Variants in BCOR observed in about 807,000 individuals in gnomAD.
The protein encoded by BCOR is BCL6 corepressor.
A neutral mutation model predicts 86.7 loss-of-function variants in BCOR; 10 were observed. The ratio of observed to expected loss-of-function variants is 0.12; its 90% CI spans 0.07 to 0.20. The LOEUF is 0.20. Among genes scored for constraint, BCOR ranks in the 10% least tolerant of loss-of-function variants. The probability of loss-of-function intolerance (pLI) is 1.00; values close to 1 mark genes in which losing one functional copy is unlikely to be tolerated. For synonymous variants in BCOR, 611 were observed against 609.0 expected (o/e 1.00, Z -0.05); for missense variants, 1,259 against 1,452.1 (o/e 0.87, Z 2.16).
intron 14 of BCOR, among the ~76,000 whole-genome samples, chrX:40,053,411 G>A (rs1460641508): frequency 9.0e-6 from 1 of 111,713 alleles, no homozygotes; most frequent in Admixed American, 9.5e-5. Context: ...GGGGCAGAGG[G>A]GATTAACTAA....
At chrX:40,088,860 A>T (rs1231636123) in intron 1 of BCOR, among the ~76,000 whole-genome samples, 1 of 111,948 alleles carries the variant, frequency 8.9e-6, no homozygotes, top group Non-Finnish European at 1.9e-5. Flanking sequence ...TCCCCCCTGA[A>T]ATAATGCCAG....
chrX:40,059,818 A>C (rs1934780545), intron 10 of BCOR, among the ~76,000 whole-genome samples: 1 of 113,019 alleles, frequency 8.8e-6, no homozygotes, highest in Admixed American at 9.3e-5. Context: ...TTTTTTAAAA[A>C]CATGATTTAT....
At chrX:40,090,984 A>G (rs1339287014) in intron 1 of BCOR, among the ~76,000 whole-genome samples, 1 of 110,748 alleles carries the variant, frequency 9.0e-6, no homozygotes, top group Non-Finnish European at 1.9e-5. Flanking sequence ...TTGTCTTTTT[A>G]TAACTTTTTT....
chrX:40,118,097 C>G (rs1225537955), intron 1 of BCOR, among the ~76,000 whole-genome samples: 1 of 105,236 alleles, frequency 9.5e-6, no homozygotes, highest in Admixed American at 1.0e-4. Flanking sequence ...TCTCCTCCCC[C>G]AAGGCAAGGA....
intron 1 of BCOR, among the ~76,000 whole-genome samples, chrX:40,112,361 C>T (rs971116971): frequency 2.7e-5 from 3 of 111,568 alleles, no homozygotes; most frequent in East Asian, 2.8e-4. Context: ...TTTGCATCTA[C>T]GCTCAGCTTA....
upstream of BCOR, among the ~76,000 whole-genome samples, chrX:40,102,388 T>C (rs1378592109): frequency 8.8e-6 from 1 of 113,240 alleles, no homozygotes; most frequent in Admixed American, 9.2e-5. Flanking sequence ...GTCGACCAAA[T>C]GGGCATAATA....
In BCOR at chrX:40,073,783, A is replaced by T. The variant is rs775342174; in HGVS notation, c.1563T>A (p.Asn521Lys). The change falls in exon 4 of 15, where the codon AAT becomes AAA. Residue 521 changes from asparagine (N) to lysine (K), a missense_variant. Asn to Lys is a moderately conservative substitution (Grantham distance 94, BLOSUM62 0). Coordinates refer to ENST00000378444, the MANE Select transcript of BCOR (RefSeq NM_001123385.2). ...TGTTTTTCAGCGACATGCTTTTGCCATTGTTCTCTTCGTTAGGACTTGGCC... is the reference window on the plus strand; with the variant it reads ...TGTTTTTCAGCGACATGCTTTTGCCTTTGTTCTCTTCGTTAGGACTTGGCC... ...VPGPSPNEEN[N>K]GKSMSLKNKA... is the part of the protein sequence containing the mutation. 26 of 1,211,581 alleles carry T rather than the reference A, an allele frequency of 2.1e-5. No individual in the cohort carries two copies. The highest frequency in any genetic ancestry group is 2.7e-5 in the Non-Finnish European group (24 of 895,527).
intron 1 of BCOR, chrX:40,176,976 C>T (rs1199133034): frequency 9.2e-6 from 1 of 108,730 alleles, no homozygotes; most frequent in East Asian, 3.0e-4. Flanking sequence ...CCCTACCTTC[C>T]GGGTAGGAGA....
chrX:40,100,699 C>CCA (rs1483836622), upstream of BCOR, among the ~76,000 whole-genome samples: 2 of 36,196 alleles, frequency 5.5e-5, no homozygotes, highest in African/African-American at 2.1e-4. Context: ...AACTCCGTCT[C>CCA]AAAAAAAAAA....
intron 1 of BCOR, among the ~76,000 whole-genome samples, chrX:40,089,871 G>C (rs1274158609): frequency 8.9e-6 from 1 of 112,295 alleles, no homozygotes; most frequent in Non-Finnish European, 1.9e-5. Context: ...AAAGTAGTGT[G>C]GGAGAGGGAA....
chrX:40,094,247 C>A (rs1377531462), intron 1 of BCOR, among the ~76,000 whole-genome samples: 2 of 112,283 alleles, frequency 1.8e-5, no homozygotes, highest in African/African-American at 6.5e-5. Context: ...TCCGCGCCTC[C>A]CCCCCCTCCA....
Position 40,097,733 on chromosome X carries a change from T to C in BCOR, c.-559A>G, listed in dbSNP as rs1314711902. The stretch of plus-strand genomic sequence containing the variant: ...CCCGCTCGGGCTGGGTGTGTGTGAG[T>C]GTGTGTGAGTGTTGGCCAAGTCGTC... On this transcript the variant is annotated 5_prime_UTR_variant, in exon 1 of 15. Coordinates refer to ENST00000378444, the MANE Select transcript of BCOR (RefSeq NM_001123385.2). Among the ~76,000 whole-genome samples, 1 of 109,160 alleles carries C rather than the reference T, an allele frequency of 9.2e-6. No individual in the cohort carries two copies. The highest frequency in any genetic ancestry group is 1.9e-5 in the Non-Finnish European group (1 of 52,042). 94.8% of individuals were successfully genotyped at this position (109,160 alleles called of 115,157 possible).
chrX:40,098,122 G>T (rs1009742716), upstream of BCOR, among the ~76,000 whole-genome samples: 1 of 95,100 alleles, frequency 1.1e-5, no homozygotes, highest in Non-Finnish European at 2.1e-5. Flanking sequence ...ACAGCCGCCC[G>T]CCCGCCGCCG....
intron 1 of BCOR, among the ~76,000 whole-genome samples, chrX:40,173,975 A>G (rs1403588224): frequency 8.9e-6 from 1 of 112,853 alleles, no homozygotes; most frequent in Non-Finnish European, 1.9e-5. Context: ...TCAGACTTCT[A>G]ATTTCAAAAG....
rs777957659 is a variant in BCOR at position 40,062,310 on chromosome X, G to A, written c.4257C>T (p.Phe1419=). 8 of 1,209,267 alleles carry A rather than the reference G, an allele frequency of 6.6e-6. No homozygotes were observed. The highest frequency in any genetic ancestry group is 5.3e-5 in the South Asian group (3 of 56,320). The change falls in exon 10 of 15, where the codon TTC becomes TTT. Residue 1419 remains phenylalanine, a synonymous_variant. Coordinates refer to ENST00000378444, the MANE Select transcript of BCOR (RefSeq NM_001123385.2). ...LSPAKQEPKP[F]DRLQQLLPAS... ...CTGGTAGCAGTTGCTGCAAGCGGTC[G>A]AAGGGCTTTGGCTCCTGCTTGGCTG...
At chrX:40,135,100 G>A (rs1465946985) in intron 1 of BCOR, among the ~76,000 whole-genome samples, 1 of 111,615 alleles carries the variant, frequency 9.0e-6, no homozygotes, top group African/African-American at 3.3e-5. Flanking sequence ...GGGCAGAACT[G>A]GGGGGAAAAG....
At chrX:40,120,705 C>T (rs940738717) in intron 1 of BCOR, among the ~76,000 whole-genome samples, 5 of 111,857 alleles carry the variant, frequency 4.5e-5, no homozygotes, top group Non-Finnish European at 9.4e-5. Context: ...CCCCAGGAAA[C>T]AAAACAAATA....
At chrX:40,176,915 C>G (rs1938771332) in intron 1 of BCOR, 1 of 111,344 alleles carries the variant, frequency 9.0e-6, no homozygotes, top group East Asian at 2.9e-4. Context: ...GACGCGGGGT[C>G]TCTCGGGGGC....
chrX:40,101,022 G>A (rs1478343890), upstream of BCOR, among the ~76,000 whole-genome samples: 4 of 109,764 alleles, frequency 3.6e-5, no homozygotes, highest in East Asian at 1.1e-3. Flanking sequence ...AGTGGTGGGG[G>A]GGATTCGTGA....
Sources: allele counts gnomAD v4.1 joint callset (sites outside exome capture counted in the v4.1 genomes callset), GRCh38; gene constraint gnomAD v4.1.1; transcripts MANE v1.5; gene names NCBI Gene and HGNC (gene_info 2026-07-23, HGNC 2026-07-21).